ATP6V0D2: variants seen among roughly 807,000 people sequenced by gnomAD.
ATP6V0D2 encodes V-type proton ATPase subunit d 2.
Under a neutral mutation model 40.0 loss-of-function variants are expected in ATP6V0D2, and 40 were observed. The observed-to-expected ratio is 1.00, with a 90% CI of 0.78 to 1.30. ATP6V0D2 has a LOEUF of 1.30. Ranked by LOEUF, ATP6V0D2 falls within the 50% of genes most tolerant of loss-of-function variation. The pLI is 0.00. For missense variants in ATP6V0D2, 470 were observed against 423.1 expected (o/e 1.11, Z -0.97); for synonymous variants, 179 against 156.3 (o/e 1.15, Z -1.08).
chr8:86,136,058 C>A (rs1215075661), intron 2 of ATP6V0D2, among the ~76,000 whole-genome samples: 2 of 152,096 alleles, frequency 1.3e-5, no homozygotes, highest in East Asian at 3.8e-4. Flanking sequence ...ACACCCCTGC[C>A]CCTCATTGTG....
intron 7 of ATP6V0D2, among the ~76,000 whole-genome samples, chr8:86,152,229 C>T (rs1226747511): frequency 6.6e-6 from 1 of 152,048 alleles, no homozygotes; most frequent in Non-Finnish European, 1.5e-5. Flanking sequence ...CAGCTTTATC[C>T]ATGTCCCTGC....
At chr8:86,122,842 A>G (rs1042527928) in intron 2 of ATP6V0D2, among the ~76,000 whole-genome samples, 1 of 152,232 alleles carries the variant, frequency 6.6e-6, no homozygotes, top group African/African-American at 2.4e-5. Context: ...ATGACATGGC[A>G]TCTCTGATAT....
intron 3 of ATP6V0D2, 33 bp downstream of exon 3, chr8:86,139,668 G>C: frequency 2.0e-6 from 3 of 1,524,016 alleles, no homozygotes; most frequent in Non-Finnish European, 2.6e-6. Flanking sequence ...GTAGCTGCTT[G>C]TGTATGTTAT....
intron 1 of ATP6V0D2, among the ~76,000 whole-genome samples, chr8:86,099,518 A>C (rs2130218268): frequency 6.6e-6 from 1 of 152,266 alleles, no homozygotes; most frequent in Non-Finnish European, 1.5e-5. Flanking sequence ...ATTGAGATGG[A>C]GTTTCACTCT....
chr8:86,130,019 A>C (rs1032577774), intron 2 of ATP6V0D2, among the ~76,000 whole-genome samples: 119 of 151,880 alleles, frequency 7.8e-4, no homozygotes, highest in African/African-American at 2.6e-3. Context: ...GAAAAAAGAA[A>C]ATAATAATCT....
intron 2 of ATP6V0D2, among the ~76,000 whole-genome samples, chr8:86,118,187 A>G (rs1586090168): frequency 7.3e-6 from 1 of 136,072 alleles, no homozygotes; most frequent in Non-Finnish European, 1.5e-5. Context: ...CAGCCTCAGG[A>G]GTAGTTGGAA....
rs185948099 is a variant in ATP6V0D2 at position 86,103,811 on chromosome 8, C to G, written c.130+4703C>G. 5.3e-5 allele frequency among the ~76,000 whole-genome samples: 8 copies of G among 152,152 alleles called. No individual in the cohort carries two copies. The East Asian group carries it at 1.5e-3, about 29-fold the overall frequency. On this transcript the variant is annotated intron_variant, in intron 1 of 7. Coordinates refer to ENST00000285393, the MANE Select transcript of ATP6V0D2 (RefSeq NM_152565.1). ...TGTGAGATGACAGCTATACAAGGCT[C>G]TTTATGTGGCATAGTTTTTTGTTGT...
intron 5 of ATP6V0D2, among the ~76,000 whole-genome samples, chr8:86,143,919 A>G (rs1323034727): frequency 3.3e-5 from 5 of 152,160 alleles, no homozygotes; most frequent in East Asian, 3.9e-4. Flanking sequence ...ACAACTTGGC[A>G]TCAAAAGTCC....
rs528937935 is a variant in ATP6V0D2 at position 86,112,677 on chromosome 8, A to G, written c.131-1032A>G. 7.2e-5 allele frequency among the ~76,000 whole-genome samples: 11 copies of G among 152,194 alleles called. No homozygotes were observed. The South Asian group carries it at 2.3e-3, about 32-fold the overall frequency. On this transcript the variant is annotated intron_variant, in intron 1 of 7. Coordinates refer to ENST00000285393, the MANE Select transcript of ATP6V0D2 (RefSeq NM_152565.1). ...GAAAAGGGGTGGGGGAAGAAATTCT[A>G]GAGTGGGGTTGGGTCAGCATTTACT...
chr8:86,108,031 T>C (rs1478797387), intron 1 of ATP6V0D2, among the ~76,000 whole-genome samples: 1 of 152,212 alleles, frequency 6.6e-6, no homozygotes, highest in African/African-American at 2.4e-5. Flanking sequence ...AAAAGCTGAA[T>C]TCCTTAGCAA....
intron 2 of ATP6V0D2, among the ~76,000 whole-genome samples, chr8:86,125,252 G>C (rs943486682): frequency 2.6e-5 from 4 of 152,136 alleles, no homozygotes; most frequent in African/African-American, 9.7e-5. Context: ...TTGGGCAACT[G>C]TATGGCAAGG....
chr8:86,104,251 G>C (rs1374131053), intron 1 of ATP6V0D2, among the ~76,000 whole-genome samples: 2 of 151,982 alleles, frequency 1.3e-5, no homozygotes, highest in African/African-American at 2.4e-5. Context: ...TGTTGCCCAG[G>C]CTACTCTCAA....
intron 5 of ATP6V0D2, among the ~76,000 whole-genome samples, chr8:86,148,936 C>T: frequency 6.6e-6 from 1 of 150,954 alleles, no homozygotes; most frequent in African/African-American, 2.4e-5. Flanking sequence ...CATGGTGTCA[C>T]ATGCCTGTAG....
At chr8:86,147,530 G>T (rs1011289225) in intron 5 of ATP6V0D2, among the ~76,000 whole-genome samples, 15 of 152,206 alleles carry the variant, frequency 9.9e-5, no homozygotes, top group African/African-American at 3.6e-4. Context: ...AATCAAATGC[G>T]TGTCAAACTC....
intron 2 of ATP6V0D2, among the ~76,000 whole-genome samples, chr8:86,128,492 T>C (rs568989614): frequency 6.6e-6 from 1 of 152,338 alleles, no homozygotes; most frequent in East Asian, 1.9e-4. Context: ...AAGGACAAAG[T>C]TCAGACTGAG....
At chr8:86,137,229 C>G (rs1266808599) in intron 2 of ATP6V0D2, among the ~76,000 whole-genome samples, 1 of 152,134 alleles carries the variant, frequency 6.6e-6, no homozygotes. Flanking sequence ...TCTCTGATGA[C>G]CCCTTAGTTG....
At chr8:86,120,122 G>A (rs1024635400) in intron 2 of ATP6V0D2, among the ~76,000 whole-genome samples, 3 of 152,186 alleles carry the variant, frequency 2.0e-5, no homozygotes, top group Non-Finnish European at 2.9e-5. Flanking sequence ...TTTGAGCCAG[G>A]CACAGTAGCT....
chr8:86,145,967 G>A lies in ATP6V0D2; in HGVS notation c.639+3013G>A, dbSNP rs143995012. 8.6e-4 allele frequency among the ~76,000 whole-genome samples: 131 copies of A among 152,228 alleles called. 1 individual carries two copies. Among genetic ancestry groups the A allele is most frequent in the African/African-American group, 2.7e-3 (114 of 41,542 alleles). Reference sequence around the variant, plus strand: ...AGGTAGTCTAGTATCTATTTTTCAGGAGGAGCAACTGAGGCACAGAGAAGG... The same window carrying A: ...AGGTAGTCTAGTATCTATTTTTCAGAAGGAGCAACTGAGGCACAGAGAAGG... On this transcript the variant is annotated intron_variant, in intron 5 of 7. Transcript: ENST00000285393.
At chr8:86,134,014 G>A (rs1256118153) in intron 2 of ATP6V0D2, among the ~76,000 whole-genome samples, 2 of 152,082 alleles carry the variant, frequency 1.3e-5, no homozygotes, top group Non-Finnish European at 2.9e-5. Context: ...TCCAGGCCAA[G>A]ACATGTCATA....
Sources: gnomAD v4.1 joint callset for allele counts (sites outside exome capture counted in the v4.1 genomes callset) on GRCh38, gnomAD v4.1.1 for gene constraint, MANE v1.5 for transcripts, NCBI Gene and HGNC (gene_info 2026-07-23, HGNC 2026-07-21) for gene names.